Variants in CACNA2D1 observed in about 807,000 individuals in gnomAD.
CACNA2D1 encodes voltage-dependent calcium channel subunit alpha-2/delta-1.
In CACNA2D1, 53 loss-of-function variants were observed where a neutral mutation model predicts 171.5. The ratio of observed to expected loss-of-function variants is 0.31; its 90% CI spans 0.25 to 0.39. CACNA2D1 has a LOEUF of 0.39. Among genes scored for constraint, CACNA2D1 ranks in the 10% least tolerant of loss-of-function variants. The pLI, the probability that CACNA2D1 is intolerant of heterozygous loss-of-function variation, is 1.00. For synonymous variants in CACNA2D1, 442 were observed against 443.1 expected, an observed-to-expected ratio of 1.00 and a Z score of 0.03; for missense variants, 903 against 1,299.8, an observed-to-expected ratio of 0.69 and a Z score of 4.69.
intron 3 of CACNA2D1, among the ~76,000 whole-genome samples, chr7:82,241,947 G>A (rs1428322028): frequency 2.6e-5 from 4 of 152,166 alleles, no homozygotes; most frequent in South Asian, 4.1e-4. Context: ...TATAAGAGCC[G>A]ACTGATGATG....
At chr7:82,009,228 T>A (rs1343606249) in intron 15 of CACNA2D1, 1 of 152,170 alleles carries the variant, frequency 6.6e-6, no homozygotes, top group East Asian at 1.9e-4. Flanking sequence ...GCCATGATTT[T>A]AAGTTTCCTG....
At chr7:82,432,517 GTTTA>G (rs1829774423) in intron 1 of CACNA2D1, among the ~76,000 whole-genome samples, 2 of 152,272 alleles carry the variant, frequency 1.3e-5, no homozygotes, top group South Asian at 2.1e-4. Context: ...TTTTTTGTTT[GTTTA>G]TTTGTTTAGA....
chr7:81,991,078 T>A, intron 21 of CACNA2D1, 107 bp downstream of exon 21: 1 of 679,212 alleles, frequency 1.5e-6, no homozygotes, highest in Admixed American at 2.0e-5. Context: ...TATGTTTTCA[T>A]GTTGGGAACT....
rs376161467 is a variant in CACNA2D1 at position 82,058,101 on chromosome 7, T to C, written c.879+2327A>G. ...GGCTGCTACCTAAAACCTCAGCTCC[T>C]TTGCATTTGGGGCAGGTTAACTCTG... On this transcript the variant is annotated intron_variant, in intron 10 of 38. Coordinates refer to ENST00000356860, the MANE Select transcript of CACNA2D1 (RefSeq NM_000722.4). Among the ~76,000 whole-genome samples, 12 of 152,158 alleles carry C rather than the reference T, an allele frequency of 7.9e-5. No individual in the cohort carries two copies. In the East Asian group the frequency reaches 2.1e-3, roughly 27 times the overall value.
At chr7:82,153,201 T>C (rs537373906) in intron 4 of CACNA2D1, among the ~76,000 whole-genome samples, 2 of 151,900 alleles carry the variant, frequency 1.3e-5, no homozygotes, top group South Asian at 4.2e-4. Context: ...CTTAAATAAC[T>C]GTTTTCCTTT....
At chr7:82,064,943 A>T (rs80062104) in intron 8 of CACNA2D1, among the ~76,000 whole-genome samples, 195 of 152,232 alleles carry the variant, frequency 1.3e-3, no homozygotes, top group African/African-American at 4.4e-3. Flanking sequence ...GTGGAATCAG[A>T]ATCTCTGCAT....
chr7:82,007,528 G>T (rs1799254389), intron 16 of CACNA2D1, 151 bp downstream of exon 16: 1 of 592,730 alleles, frequency 1.7e-6, no homozygotes, highest in African/African-American at 1.9e-5. Flanking sequence ...TTCCCAGGTG[G>T]TTATCGCATA....
intron 3 of CACNA2D1, among the ~76,000 whole-genome samples, chr7:82,242,863 T>TTTACATTTTATTTACATTGTTTAC (rs1292603628): frequency 1.1e-4 from 17 of 152,248 alleles, no homozygotes; most frequent in Non-Finnish European, 1.8e-4. Context: ...AGAAAAAATG[T>TTTACATTTTATTTACATTGTTTAC]ATTTTGTTTA....
rs932080938 is a variant in CACNA2D1, at chr7:82,099,422, C to CTTTTTT, written c.527-14528_527-14523dup. Among the ~76,000 whole-genome samples the CTTTTTT allele has an allele frequency of 1.2e-3, 49 of 40,262 alleles. 10 individuals carry two copies. The highest frequency in any genetic ancestry group is 1.7e-3 in the South Asian group (2 of 1,148). The allele number at this position is 40,262 out of a possible 152,430, so 26.4% of individuals were successfully genotyped here. Reference sequence around the variant, plus strand: ...ACTCTAAAACAGGTAGCAATACCTTCTTTTTTTTTTTTTTTTTTTTTTTTT... The same window carrying CTTTTTT: ...ACTCTAAAACAGGTAGCAATACCTTCTTTTTTTTTTTTTTTTTTTTTTTTTTTTTTT... On this transcript the variant is annotated intron_variant, in intron 6 of 38. Coordinates refer to ENST00000356860, the MANE Select transcript of CACNA2D1 (RefSeq NM_000722.4).
At chr7:82,025,290 C>T (rs1398855070) in intron 12 of CACNA2D1, among the ~76,000 whole-genome samples, 1 of 151,496 alleles carries the variant, frequency 6.6e-6, no homozygotes, top group East Asian at 1.9e-4. Flanking sequence ...AGATGTCTTT[C>T]CATTGGTGTC....
chr7:82,073,741 C>T (rs1563003596), intron 7 of CACNA2D1, among the ~76,000 whole-genome samples: 1 of 152,098 alleles, frequency 6.6e-6, no homozygotes, highest in East Asian at 1.9e-4. Flanking sequence ...GCTGGGATTA[C>T]AGGTGCCCAC....
chr7:82,332,508 T>TAGAAAGAAAGAAAGAAAGAA (rs1238319833), intron 3 of CACNA2D1, among the ~76,000 whole-genome samples: 19 of 34,646 alleles, frequency 5.5e-4, no homozygotes, highest in Admixed American at 1.4e-3. Flanking sequence ...AAAAAAGAAA[T>TAGAAAGAAAGAAAGAAAGAA]ATAAAGAAAG....
chr7:82,297,261 A>T (rs146514326), intron 3 of CACNA2D1, among the ~76,000 whole-genome samples: 135 of 152,086 alleles, frequency 8.9e-4, no homozygotes, highest in Middle Eastern at 3.4e-3. Flanking sequence ...ATAAACAAAT[A>T]GAAAAAACTC....
chr7:82,051,148 A>C (rs1805153184), intron 10 of CACNA2D1: 1 of 155,862 alleles, frequency 6.4e-6, no homozygotes, highest in African/African-American at 2.4e-5. Flanking sequence ...TCTTTAGAAT[A>C]CCATATTCAG....
At chr7:81,993,945 A>G (rs1480392735) in intron 20 of CACNA2D1, among the ~76,000 whole-genome samples, 2 of 152,086 alleles carry the variant, frequency 1.3e-5, no homozygotes, top group African/African-American at 2.4e-5. Context: ...CAAAGACTGA[A>G]AGGTAAATAT....
intron 6 of CACNA2D1, among the ~76,000 whole-genome samples, chr7:82,092,426 C>T (rs1009747200): frequency 1.5e-4 from 23 of 151,370 alleles, no homozygotes; most frequent in South Asian, 4.2e-4. Context: ...GGCTGGAGTG[C>T]GGTGGCACAA....
chr7:82,296,166 G>A (rs1042217855), intron 3 of CACNA2D1, among the ~76,000 whole-genome samples: 8 of 151,726 alleles, frequency 5.3e-5, no homozygotes, highest in Non-Finnish European at 7.4e-5. Context: ...GCTGAATGAC[G>A]AGTTAATGGG....
At chr7:82,223,214 G>C (rs1269789059) in intron 3 of CACNA2D1, among the ~76,000 whole-genome samples, 2 of 151,936 alleles carry the variant, frequency 1.3e-5, no homozygotes, top group Non-Finnish European at 2.9e-5. Flanking sequence ...CCAGTACTTT[G>C]CTTCTAATGT....
intron 1 of CACNA2D1, among the ~76,000 whole-genome samples, chr7:82,406,641 C>T (rs1224222606): frequency 6.6e-6 from 1 of 152,112 alleles, no homozygotes; most frequent in Admixed American, 6.5e-5. Flanking sequence ...CTTTAATGGC[C>T]AGTGATGATG....
Sources: allele counts gnomAD v4.1 joint callset (sites outside exome capture counted in the v4.1 genomes callset), GRCh38; gene constraint gnomAD v4.1.1; transcripts MANE v1.5; gene names NCBI Gene and HGNC (gene_info 2026-07-23, HGNC 2026-07-21).